RALGDS: variants seen among roughly 807,000 people sequenced by gnomAD.
The protein encoded by RALGDS is ral guanine nucleotide exchange factor.
Under a neutral mutation model 99.8 loss-of-function variants are expected in RALGDS, and 44 were observed. The ratio of observed to expected loss-of-function variants is 0.44; its 90% CI spans 0.35 to 0.57. The LOEUF is 0.57. Among genes scored for constraint, RALGDS ranks in the 20% least tolerant of loss-of-function variants. The probability of loss-of-function intolerance (pLI) is 0.01; values close to 1 mark genes in which losing one functional copy is unlikely to be tolerated. For synonymous variants in RALGDS, 529 were observed against 505.0 expected (o/e 1.05, Z -0.64); for missense variants, 1,022 against 1,203.1 (o/e 0.85, Z 2.23).
intron 1 of RALGDS, chr9:133,129,382 C>T: frequency 6.8e-7 from 1 of 1,477,424 alleles, no homozygotes; most frequent in East Asian, 2.5e-5. Context: ...GTGCTCGTCG[C>T]CTGCGTGCCC....
intron 9 of RALGDS, 108 bp downstream of exon 9, chr9:133,105,824 A>ACCCCCCC: frequency 1.4e-5 from 1 of 72,276 alleles, no homozygotes; most frequent in South Asian, 1.3e-4. Flanking sequence ...CCGCCGCCCC[A>ACCCCCCC]GCCCCCGCCC....
At chr9:133,107,356 G>A in intron 6 of RALGDS, 56 bp from the exon 7 acceptor site, 2 of 1,480,646 alleles carry the variant, frequency 1.4e-6, no homozygotes, top group South Asian at 1.2e-5. Context: ...GGCTGGTGCT[G>A]GGGAAGCTGA....
chr9:133,140,875 G>A (rs1172112489), intron 1 of RALGDS, among the ~76,000 whole-genome samples: 6 of 152,258 alleles, frequency 3.9e-5, no homozygotes, highest in East Asian at 1.9e-4. Flanking sequence ...GCTGTGGGCC[G>A]GCAGCTCCCC....
rs1167891149 is a variant in RALGDS, at chr9:133,144,295, C to T, written c.18+4668G>A. 1.3e-5 allele frequency among the ~76,000 whole-genome samples: 2 copies of T among 152,184 alleles called. No individual in the cohort carries two copies. The highest frequency in any genetic ancestry group is 4.8e-5 in the African/African-American group (2 of 41,450). On this transcript the variant is annotated intron_variant, in intron 1 of 17. Coordinates refer to the RALGDS transcript ENST00000393160. This position sits in a 1 kb window ranked among gnomAD's most constrained non-coding sequence, Gnocchi z 4.5. ...CTGGCCCCTGCAGCCTCGCAGGTCC[C>T]CTATCCCTCCTCCCTGCCTTCCTTT...
At chr9:133,132,765 G>C (rs763502964), upstream of RALGDS, among the ~76,000 whole-genome samples, 1 of 152,070 alleles carries the variant, frequency 6.6e-6, no homozygotes, top group African/African-American at 2.4e-5. Flanking sequence ...TCAGCCTCCC[G>C]AGTAGCTGGG....
chr9:133,112,234 C>A, intron 1 of RALGDS, 82 bp from the exon 2 acceptor site: 1 of 921,860 alleles, frequency 1.1e-6, no homozygotes, highest in Non-Finnish European at 1.7e-6. Flanking sequence ...ACCTGTGTAA[C>A]CTGTTTCCCA....
chr9:133,103,343 G>C (rs955406664), intron 11 of RALGDS, 81 bp from the exon 12 acceptor site: 2 of 1,557,758 alleles, frequency 1.3e-6, no homozygotes, highest in Non-Finnish European at 1.8e-6. Context: ...GCACTATCAA[G>C]AGTGCCCACC....
intron 1 of RALGDS, among the ~76,000 whole-genome samples, chr9:133,129,984 T>C (rs1832284694): frequency 6.6e-6 from 1 of 150,652 alleles, no homozygotes; most frequent in Non-Finnish European, 1.5e-5. Flanking sequence ...TCGGCTAATT[T>C]TTTTTTGAGA....
intron 1 of RALGDS, among the ~76,000 whole-genome samples, chr9:133,138,583 C>A (rs531961285): frequency 6.6e-6 from 1 of 152,340 alleles, no homozygotes; most frequent in South Asian, 2.1e-4. Context: ...AACCCAGTGA[C>A]ACATGAGAAA....
chr9:133,136,048 G>A (rs1832420198), upstream of RALGDS, among the ~76,000 whole-genome samples: 1 of 152,060 alleles, frequency 6.6e-6, no homozygotes, highest in Non-Finnish European at 1.5e-5. Context: ...GAGAGGGCCC[G>A]GGGCACAACT....
chr9:133,103,645 G>T, intron 11 of RALGDS, 102 bp downstream of exon 11: 1 of 1,201,414 alleles, frequency 8.3e-7, no homozygotes, highest in Non-Finnish European at 1.2e-6. Flanking sequence ...AGGGCACTGA[G>T]CTGTTTACTC....
At chr9:133,105,774 C>T (rs995376572) in intron 9 of RALGDS, among the ~76,000 whole-genome samples, 158 bp downstream of exon 9, 7 of 151,918 alleles carry the variant, frequency 4.6e-5, no homozygotes, top group African/African-American at 1.5e-4. Context: ...TTCACGCACA[C>T]GGGAAAGGAA....
At chr9:133,123,132 C>T (rs966384722), upstream of RALGDS, among the ~76,000 whole-genome samples, 7 of 152,104 alleles carry the variant, frequency 4.6e-5, no homozygotes, top group South Asian at 1.4e-3. Context: ...TATTTCGAGG[C>T]AGGAGGTCCC....
At chr9:133,103,704 C>A (rs1188784092) in intron 11 of RALGDS, 43 bp downstream of exon 11, 1 of 1,592,322 alleles carries the variant, frequency 6.3e-7, no homozygotes, top group Non-Finnish European at 8.6e-7. Context: ...CAGGGAAGGT[C>A]TCTCCTCCCG....
upstream of RALGDS, among the ~76,000 whole-genome samples, chr9:133,124,956 A>T (rs1306682020): frequency 6.6e-6 from 1 of 152,270 alleles, no homozygotes; most frequent in African/African-American, 2.4e-5. Flanking sequence ...CATGTTCAAC[A>T]CACCACAAGG....
At position 133,103,753 on chromosome 9, in the gene RALGDS, A is replaced by G. The variant is rs758321477; in HGVS notation, c.1752T>C (p.Tyr584=). The G allele has an allele frequency of 3.1e-6, 5 of 1,613,002 alleles. No individual in the cohort carries two copies. The highest frequency in any genetic ancestry group is 2.2e-5 in the South Asian group (2 of 91,056). The part of the protein sequence containing the change: ...LVMLDTAMKD[Y]LYGRLINFEK... ...CCCCGCCCGGCACACTCACATACAG[A>G]TAGTCCTTCATGGCAGTGTCCAGCA... The change falls in exon 11 of 18, where the codon TAT becomes TAC. Residue 584 remains tyrosine (Y), a synonymous_variant. Coordinates refer to ENST00000372050, the MANE Select transcript of RALGDS (RefSeq NM_006266.4).
intron 1 of RALGDS, among the ~76,000 whole-genome samples, chr9:133,127,663 G>GCTCAGCCCCAC (rs1832204507): frequency 1.3e-5 from 2 of 152,218 alleles, no homozygotes; most frequent in African/African-American, 4.8e-5. Flanking sequence ...GGCGGGCCTG[G>GCTCAGCCCCAC]CTCAGCCCCA....
Position 133,107,181 on chromosome 9 carries a change from A to G in RALGDS, c.1317T>C (p.Ser439=), listed in dbSNP as rs760067815. ...AGGTGGTGATGACACAGTTGGCCAC[A>G]CTGTTGAACTGGGTGACAGTGGCGC... ...TIRATVTQFN[S]VANCVITTCL... Residue 439 remains serine (S), a synonymous_variant, in exon 7 of 18, where the codon AGT becomes AGC. Transcript: ENST00000372050. 2 of 1,613,716 alleles carry G rather than the reference A, an allele frequency of 1.2e-6. No homozygotes were observed. Among genetic ancestry groups the G allele is most frequent in the South Asian group, 1.1e-5 (1 of 91,088 alleles).
At chr9:133,104,879 G>A (rs1428549211) in intron 9 of RALGDS, among the ~76,000 whole-genome samples, 1 of 152,088 alleles carries the variant, frequency 6.6e-6, no homozygotes, top group Admixed American at 6.5e-5. Flanking sequence ...TCCTGTTATG[G>A]CTGCACACTC....
Sources: gnomAD v4.1 joint callset for allele counts (sites outside exome capture counted in the v4.1 genomes callset) on GRCh38, gnomAD v4.1.1 for gene constraint, Gnocchi (gnomAD v3.1) non-coding constraint, MANE v1.5 for transcripts, NCBI Gene and HGNC (gene_info 2026-07-23, HGNC 2026-07-21) for gene names.